Variants in C2orf74 observed in about 807,000 individuals in gnomAD.
C2orf74 encodes DPM1 ER membrane anchor 1.
In C2orf74, 14 loss-of-function variants were observed where a neutral mutation model predicts 17.9. The observed-to-expected ratio is 0.78, with a 90% CI of 0.52 to 1.22. The LOEUF (loss-of-function observed/expected upper bound fraction) is 1.22, where lower values mean the gene tolerates loss of function less well. Among genes scored for constraint, C2orf74 ranks in the 50% most tolerant of loss-of-function variants. The pLI is 0.00. For missense variants in C2orf74, 217 were observed against 218.4 expected (o/e 0.99, Z 0.04); for synonymous variants, 79 against 72.6 (o/e 1.09, Z -0.44).
In C2orf74 at chr2:61,163,132, C is replaced by T; in HGVS notation, c.290C>T (p.Ala97Val). The change falls in exon 4 of 5, where the codon GCC (alanine) becomes GTC (valine). Residue 97 changes from alanine to valine, a missense_variant. Coordinates refer to ENST00000432605, the MANE Select transcript of C2orf74 (RefSeq NM_001143959.4). ...LVQRQSKEVL[A>V]TPLENRRDME... ...CAGAGACAGAGTAAGGAAGTGTTGG[C>T]CACACCCTTAGAAAACAGAAGGGAC... 3 of 1,551,994 alleles carry T rather than the reference C, an allele frequency of 1.9e-6. No homozygotes were observed. Among genetic ancestry groups the T allele is most frequent in the East Asian group, 4.9e-5 (2 of 41,072 alleles).
rs543802764 is a variant in C2orf74, at chr2:61,150,546, T to C, written c.-122+5350T>C. On this transcript the variant is annotated intron_variant, in intron 1 of 3. Coordinates refer to the C2orf74 transcript ENST00000426997. ...GGGCCTGCTGTAAGATCCACATCGG[T>C]CCCCCTCCACATGTTCCTTTATGCC... is the stretch of plus-strand genomic sequence containing the variant. 5.9e-5 allele frequency among the ~76,000 whole-genome samples: 9 copies of C among 152,138 alleles called. 1 individual carries two copies. Among genetic ancestry groups the C allele is most frequent in the Middle Eastern group, 3.4e-3 (1 of 294 alleles).
upstream of C2orf74, chr2:61,162,173 A>T (rs1559189556): frequency 7.6e-6 from 2 of 262,192 alleles, no homozygotes; most frequent in Non-Finnish European, 1.4e-5. Flanking sequence ...AGCTGGGCTC[A>T]GCTCCAGCTG....
upstream of C2orf74, chr2:61,159,508 C>CTGG (rs1043685703): frequency 5.8e-6 from 1 of 173,656 alleles, no homozygotes; most frequent in African/African-American, 2.4e-5. Context: ...GATGGCCAGG[C>CTGG]TGGTCTCAAA....
chr2:61,161,399 T>G (rs1256737799), upstream of C2orf74, among the ~76,000 whole-genome samples: 1 of 152,102 alleles, frequency 6.6e-6, no homozygotes, highest in Non-Finnish European at 1.5e-5. Flanking sequence ...TGAGGTAGTT[T>G]ACTTCTATTT....
At chr2:61,150,851 G>C (rs567009917) in intron 1 of C2orf74, among the ~76,000 whole-genome samples, 3 of 152,316 alleles carry the variant, frequency 2.0e-5, no homozygotes, top group South Asian at 4.1e-4. Flanking sequence ...ACTTGGCCTA[G>C]GGATGCTGGA....
upstream of C2orf74, among the ~76,000 whole-genome samples, chr2:61,159,714 T>A (rs1428070776): frequency 6.6e-6 from 1 of 152,244 alleles, no homozygotes; most frequent in Non-Finnish European, 1.5e-5. Context: ...AAAATCTGTA[T>A]GTGCTGGTGG....
At chr2:61,162,639 G>C (rs1464757172) in intron 2 of C2orf74, 30 bp downstream of exon 2, 2 of 1,364,128 alleles carry the variant, frequency 1.5e-6, no homozygotes, top group East Asian at 2.5e-5. Flanking sequence ...ATTGGGATCA[G>C]ATTTCAAGTC....
upstream of C2orf74, chr2:61,159,306 T>C (rs747381040): frequency 1.2e-5 from 5 of 409,818 alleles, no homozygotes; most frequent in African/African-American, 8.4e-5. Flanking sequence ...TTTTTTTTTT[T>C]CTTTTTTCAA....
chr2:61,159,812 G>A (rs1043715063), upstream of C2orf74, among the ~76,000 whole-genome samples: 2 of 152,186 alleles, frequency 1.3e-5, no homozygotes, highest in African/African-American at 4.8e-5. Flanking sequence ...TTAAAACTGT[G>A]ATAAAATATA....
upstream of C2orf74, chr2:61,157,862 G>A (rs1685438511): frequency 2.1e-6 from 1 of 470,842 alleles, no homozygotes; most frequent in African/African-American, 2.0e-5. Flanking sequence ...TTTGTCACAG[G>A]ATTTCAACAG....
In C2orf74 at chr2:61,164,604, T is replaced by G; in HGVS notation, c.*77T>G. ...AAAGACTGAGGGTACAAAATCATGT[T>G]GAAACAACAAAACAATGGGGAATTA... is the stretch of plus-strand genomic sequence containing the variant. On this transcript the variant is annotated 3_prime_UTR_variant, in exon 5 of 5. Coordinates refer to ENST00000432605, the MANE Select transcript of C2orf74 (RefSeq NM_001143959.4). The G allele has an allele frequency of 8.6e-7, 1 of 1,168,454 alleles. No homozygotes were observed. The highest frequency in any genetic ancestry group is 2.9e-5 in the East Asian group (1 of 34,376). 72.4% of individuals were successfully genotyped at this position (1,168,454 alleles called of 1,614,324 possible). A position where few individuals can be genotyped will look rare whatever the true frequency, so the allele number is the denominator to read the frequency against.
intron 1 of C2orf74, among the ~76,000 whole-genome samples, chr2:61,152,879 C>T (rs573123026): frequency 2.1e-5 from 3 of 143,766 alleles, no homozygotes; most frequent in East Asian, 2.1e-4. Context: ...AAGCCAGGCG[C>T]GCGCGGTGGC....
chr2:61,147,340 C>T (rs1685102076), intron 1 of C2orf74, among the ~76,000 whole-genome samples: 3 of 151,810 alleles, frequency 2.0e-5, no homozygotes. Context: ...GTTGGGATTA[C>T]AGGGGTGAGC....
intron 1 of C2orf74, among the ~76,000 whole-genome samples, chr2:61,149,472 C>A (rs1046942350): frequency 2.0e-5 from 3 of 151,798 alleles, no homozygotes; most frequent in African/African-American, 7.3e-5. Flanking sequence ...TATCTCAGCA[C>A]TTGCAAGGCT....
upstream of C2orf74, among the ~76,000 whole-genome samples, chr2:61,161,406 A>G (rs765023349): frequency 7.9e-5 from 12 of 151,630 alleles, no homozygotes; most frequent in Non-Finnish European, 1.5e-4. Flanking sequence ...GTTTACTTCT[A>G]TTTCTCATTT....
chr2:61,155,924 C>T (rs926486508), intron 1 of C2orf74, among the ~76,000 whole-genome samples: 10 of 151,160 alleles, frequency 6.6e-5, no homozygotes, highest in African/African-American at 1.2e-4. Flanking sequence ...TAAGGCTGGG[C>T]GTGGTGGTTC....
intron 1 of C2orf74, among the ~76,000 whole-genome samples, chr2:61,152,503 T>C (rs998911730): frequency 2.7e-5 from 4 of 148,936 alleles, no homozygotes; most frequent in African/African-American, 9.9e-5. Context: ...ATCATGCCAT[T>C]GCACTCCAGC....
intron 1 of C2orf74, among the ~76,000 whole-genome samples, chr2:61,149,454 C>T (rs1314288062): frequency 8.7e-4 from 133 of 152,034 alleles, no homozygotes; most frequent in Non-Finnish European, 8.8e-5. Context: ...ACTTTTGGCC[C>T]TTCTCTGTAT....
chr2:61,158,004 A>T, upstream of C2orf74: 2 of 471,240 alleles, frequency 4.2e-6, no homozygotes, highest in South Asian at 3.1e-5. Context: ...AGAAGTCTGC[A>T]GGCAGGAGGT....
Sources: allele counts gnomAD v4.1 joint callset (sites outside exome capture counted in the v4.1 genomes callset), GRCh38; gene constraint gnomAD v4.1.1; transcripts MANE v1.5; gene names NCBI Gene and HGNC (gene_info 2026-07-23, HGNC 2026-07-21).